The following TM9SF2 variants were observed in gnomAD, a reference collection of about 807,000 sequenced individuals.
The protein encoded by TM9SF2 is transmembrane 9 superfamily member 2.
In TM9SF2, 13 loss-of-function variants were observed where a neutral mutation model predicts 84.9. The ratio of observed to expected loss-of-function variants is 0.15; its 90% confidence interval spans 0.10 to 0.24. The LOEUF (loss-of-function observed/expected upper bound fraction) is 0.24, where lower values mean the gene tolerates loss of function less well. Ranked by LOEUF, TM9SF2 falls within the 10% of genes least tolerant of loss-of-function variation. TM9SF2 has a pLI of 1.00. For missense variants in TM9SF2, 562 were observed against 818.5 expected (o/e 0.69, Z 3.82); for synonymous variants, 273 against 285.8 (o/e 0.96, Z 0.45).
intron 4 of TM9SF2, among the ~76,000 whole-genome samples, chr13:99,532,959 C>T (rs1048306681): frequency 1.3e-5 from 2 of 152,142 alleles, no homozygotes; most frequent in South Asian, 2.1e-4. Context: ...TAAATCAGTT[C>T]AGTATACATT....
At chr13:99,507,635 G>C (rs1240618484) in intron 1 of TM9SF2, among the ~76,000 whole-genome samples, 1 of 152,332 alleles carries the variant, frequency 6.6e-6, no homozygotes, top group Middle Eastern at 3.4e-3. Context: ...GTGAGTCCCA[G>C]CATTGCTTTT....
intron 1 of TM9SF2, among the ~76,000 whole-genome samples, chr13:99,508,439 A>ACACACACACACACACC (rs1173676529): frequency 6.6e-6 from 1 of 151,448 alleles, no homozygotes; most frequent in Non-Finnish European, 1.5e-5. Context: ...ACACACACAC[A>ACACACACACACACACC]CACACCCCAG....
chr13:99,544,692 G>A (rs1485617416), intron 10 of TM9SF2, among the ~76,000 whole-genome samples: 1 of 152,310 alleles, frequency 6.6e-6, no homozygotes, highest in Middle Eastern at 3.4e-3. Context: ...GAAAAGAAGG[G>A]ATGGGGCAGG....
At chr13:99,508,641 G>T (rs2046100253) in intron 1 of TM9SF2, among the ~76,000 whole-genome samples, 1 of 152,136 alleles carries the variant, frequency 6.6e-6, no homozygotes, top group African/African-American at 2.4e-5. Flanking sequence ...TCGACTTCTA[G>T]TGGGAACCTC....
intron 15 of TM9SF2, among the ~76,000 whole-genome samples, chr13:99,557,914 G>A (rs1353813472): frequency 6.6e-6 from 1 of 152,146 alleles, no homozygotes; most frequent in Non-Finnish European, 1.5e-5. Context: ...TCAAGGTTAT[G>A]AAGATTTACC....
intron 1 of TM9SF2, among the ~76,000 whole-genome samples, chr13:99,517,292 TA>T (rs1455273887): frequency 4.6e-5 from 7 of 151,600 alleles, no homozygotes; most frequent in Admixed American, 6.6e-5. Context: ...TTTAAAAAAT[TA>T]AAAAAAAATT....
intron 4 of TM9SF2, among the ~76,000 whole-genome samples, chr13:99,531,333 G>C (rs1437943348): frequency 6.6e-6 from 1 of 152,292 alleles, no homozygotes; most frequent in Admixed American, 6.5e-5. Flanking sequence ...CAGGAGGACT[G>C]TGTTCATGCA....
At chr13:99,520,936 C>G (rs577593693) in intron 3 of TM9SF2, among the ~76,000 whole-genome samples, 1 of 152,332 alleles carries the variant, frequency 6.6e-6, no homozygotes, top group Admixed American at 6.5e-5. Flanking sequence ...TTAAACCAAA[C>G]TAAGCACAAT....
chr13:99,562,802 T>G lies in TM9SF2; in HGVS notation c.*44T>G. The G allele has an allele frequency of 1.3e-6, 2 of 1,584,298 alleles. No individual in the cohort carries two copies. Among genetic ancestry groups the G allele is most frequent in the Non-Finnish European group, 1.7e-6 (2 of 1,160,538 alleles). On this transcript the variant is annotated 3_prime_UTR_variant, in exon 17 of 17. Coordinates refer to ENST00000376387, the MANE Select transcript of TM9SF2 (RefSeq NM_004800.3). ...GTTAAAACAGAAATAAATTAAACTCTTCATCAACAAAGACCTGTTTTTGTG... is the reference window on the plus strand; with the variant it reads ...GTTAAAACAGAAATAAATTAAACTCGTCATCAACAAAGACCTGTTTTTGTG...
chr13:99,531,750 C>T (rs560389726), intron 4 of TM9SF2, among the ~76,000 whole-genome samples: 1 of 152,282 alleles, frequency 6.6e-6, no homozygotes, highest in African/African-American at 2.4e-5. Context: ...ACTTTAAAGA[C>T]TCCTTTGTCT....
intron 1 of TM9SF2, 64 bp downstream of exon 1, chr13:99,501,841 G>C: frequency 6.5e-7 from 1 of 1,549,146 alleles, no homozygotes; most frequent in Non-Finnish European, 8.6e-7. Flanking sequence ...CTATCCGGGG[G>C]AGCTGATCCT....
chr13:99,540,436 A>G (rs951287057), intron 7 of TM9SF2: 96 of 198,464 alleles, frequency 4.8e-4, no homozygotes, highest in African/African-American at 2.1e-3. Flanking sequence ...CTAAATGTTG[A>G]CATCTAAACA....
chr13:99,537,844 G>A lies in TM9SF2; in HGVS notation c.697G>A (p.Ala233Thr). Reference sequence around the variant, plus strand: ...GTCCATGGGAGCAAGATTAGTGGCTGCTAAACTTGAACCGAAAAGGTAATT... The same window carrying A: ...GTCCATGGGAGCAAGATTAGTGGCTACTAAACTTGAACCGAAAAGGTAATT... ...TGSMGARLVA[A>T]KLEPKSFKHT... Residue 233 changes from alanine (A) to threonine (T), a missense_variant, in exon 6 of 17, where the codon GCT becomes ACT. By Grantham distance (58) the Ala-to-Thr change is moderately conservative. Transcript: ENST00000376387. 6.2e-7 allele frequency: 1 copy of A among 1,604,270 alleles called. No individual in the cohort carries two copies. The highest frequency in any genetic ancestry group is 8.5e-7 in the Non-Finnish European group (1 of 1,177,858).
At chr13:99,519,937 C>T in intron 2 of TM9SF2, 99 bp from the exon 3 acceptor site, 1 of 966,266 alleles carries the variant, frequency 1.0e-6, no homozygotes, top group South Asian at 1.6e-5. Flanking sequence ...ACTAGAGCTG[C>T]TACAATGATC....
rs1344500976 is a variant in TM9SF2, at chr13:99,537,728, C to G, written c.592-11C>G. ...GTTTTCTACCTTTAACTTTTAAGTT[C>G]TGTTCTGCAGTCAGATTTCCATGAA... On this transcript the variant is annotated splice_polypyrimidine_tract_variant and intron_variant, in intron 5 of 16. Coordinates refer to ENST00000376387, the MANE Select transcript of TM9SF2 (RefSeq NM_004800.3). 2.4e-5 allele frequency: 38 copies of G among 1,591,338 alleles called. No homozygotes were observed. The highest frequency in any genetic ancestry group is 3.0e-5 in the Non-Finnish European group (35 of 1,174,098).
At chr13:99,531,704 A>C (rs1225952978) in intron 4 of TM9SF2, among the ~76,000 whole-genome samples, 1 of 152,110 alleles carries the variant, frequency 6.6e-6, no homozygotes, top group Non-Finnish European at 1.5e-5. Flanking sequence ...TGCTTGTGTC[A>C]GCTTCTTTGT....
intron 14 of TM9SF2, among the ~76,000 whole-genome samples, chr13:99,554,747 T>C (rs1797827809): frequency 6.6e-6 from 1 of 152,230 alleles, no homozygotes; most frequent in Admixed American, 6.5e-5. Context: ...GAGCTGTAAA[T>C]GAGGCTTTGT....
At position 99,506,989 on chromosome 13, in the gene TM9SF2, T is replaced by A. The variant is rs182798373; in HGVS notation, c.171+5212T>A. Among the ~76,000 whole-genome samples, 401 of 152,358 alleles carry A rather than the reference T, an allele frequency of 2.6e-3. 2 individuals carry two copies. The highest frequency in any genetic ancestry group is 9.1e-3 in the African/African-American group (377 of 41,584). On this transcript the variant is annotated intron_variant, in intron 1 of 16. Transcript: ENST00000376387. ...AAAGGCTTTGGAGGAAATTTGTGAA[T>A]TTTTTCTCTTTTTGCTCCTCTTCTC...
intron 12 of TM9SF2, among the ~76,000 whole-genome samples, chr13:99,551,341 G>A (rs956207827): frequency 2.0e-5 from 3 of 152,326 alleles, no homozygotes; most frequent in South Asian, 4.1e-4. Flanking sequence ...CCATGGCAGC[G>A]TGCTAGATGT....
Sources: allele counts gnomAD v4.1 joint callset (sites outside exome capture counted in the v4.1 genomes callset), GRCh38; gene constraint gnomAD v4.1.1; transcripts MANE v1.5; gene names NCBI Gene and HGNC (gene_info 2026-07-23, HGNC 2026-07-21).